The following TIAM1 variants were observed in gnomAD, a reference collection of about 807,000 sequenced individuals.
TIAM1 encodes rho guanine nucleotide exchange factor TIAM1.
In TIAM1, 65 loss-of-function variants were observed where a neutral mutation model predicts 163.5. The ratio of observed to expected loss-of-function variants is 0.40; its 90% CI spans 0.33 to 0.49. The LOEUF is 0.49. Among genes scored for constraint, TIAM1 ranks in the 20% least tolerant of loss-of-function variants. The probability of loss-of-function intolerance (pLI) is 0.77; values close to 1 mark genes in which losing one functional copy is unlikely to be tolerated. For missense variants in TIAM1, 1,789 were observed against 2,044.7 expected, an observed-to-expected ratio of 0.87 and a Z score of 2.41; for synonymous variants, 833 against 810.1, an observed-to-expected ratio of 1.03 and a Z score of -0.48.
chr21:31,516,766 T>C (rs932507600), intron 1 of TIAM1, among the ~76,000 whole-genome samples: 2 of 150,940 alleles, frequency 1.3e-5, no homozygotes, highest in African/African-American at 4.9e-5. Context: ...AGAAATATAA[T>C]GAATTCAGGC....
intron 2 of TIAM1, among the ~76,000 whole-genome samples, chr21:31,437,389 C>G (rs754674660): frequency 1.3e-5 from 2 of 151,310 alleles, no homozygotes; most frequent in Admixed American, 1.3e-4. Context: ...GTAATCCCAG[C>G]TACTCAGTGG....
intron 23 of TIAM1, among the ~76,000 whole-genome samples, chr21:31,131,701 T>C (rs1234486094): frequency 6.6e-6 from 1 of 152,232 alleles, no homozygotes; most frequent in Non-Finnish European, 1.5e-5. Context: ...TTGTTCTCTG[T>C]GTCAGCGTCT....
At chr21:31,392,106 C>T (rs185390610) in intron 2 of TIAM1, among the ~76,000 whole-genome samples, 1 of 152,068 alleles carries the variant, frequency 6.6e-6, no homozygotes, top group Admixed American at 6.6e-5. Context: ...CTAGGATGTT[C>T]GGTAGATTAG....
At chr21:31,507,427 G>T (rs1360784666) in intron 1 of TIAM1, among the ~76,000 whole-genome samples, 1 of 151,444 alleles carries the variant, frequency 6.6e-6, no homozygotes, top group African/African-American at 2.4e-5. Flanking sequence ...GGCTGGTCTT[G>T]AACTCCTGAC....
intron 2 of TIAM1, among the ~76,000 whole-genome samples, chr21:31,286,880 T>A (rs981583163): frequency 6.6e-6 from 1 of 152,058 alleles, no homozygotes; most frequent in Non-Finnish European, 1.5e-5. Flanking sequence ...AGGCCTTGAG[T>A]CCCAAGTCAC....
intron 20 of TIAM1, among the ~76,000 whole-genome samples, chr21:31,142,463 C>CAA (rs34368848): frequency 0.016 from 793 of 49,886 alleles, 24 homozygotes; most frequent in African/African-American, 0.043. Flanking sequence ...ACTAAAAATA[C>CAA]AAAAAAAAAA....
rs116465357 is a variant in TIAM1, at chr21:31,504,214, C to T, written c.-421-40179G>A. 6.3e-3 allele frequency among the ~76,000 whole-genome samples: 966 copies of T among 152,262 alleles called. 11 individuals carry two copies. Among genetic ancestry groups the T allele is most frequent in the African/African-American group, 0.022 (923 of 41,550 alleles). ...CTGGCATATGTGTTACAAGGCAACC[C>T]AGGCCTACAATGAACAACAGCCTGA... is the stretch of plus-strand genomic sequence containing the variant. On this transcript the variant is annotated intron_variant, in intron 1 of 28. Coordinates refer to the TIAM1 transcript ENST00000286827.
chr21:31,482,975 T>G (rs886340501), intron 1 of TIAM1, among the ~76,000 whole-genome samples: 6 of 152,060 alleles, frequency 3.9e-5, no homozygotes, highest in African/African-American at 1.2e-4. Context: ...ATTTTACAGA[T>G]GAGGATACAG....
At chr21:31,352,545 T>TAAA (rs35386667) in intron 2 of TIAM1, among the ~76,000 whole-genome samples, 110 of 132,476 alleles carry the variant, frequency 8.3e-4, no homozygotes, top group African/African-American at 2.7e-3. Context: ...TATGTAGCTT[T>TAAA]AAAAAAAAAA....
At chr21:31,394,728 T>TCTCTCTCACACACACACACA (rs1279053911) in intron 2 of TIAM1, among the ~76,000 whole-genome samples, 1 of 95,704 alleles carries the variant, frequency 1.0e-5, no homozygotes, top group Non-Finnish European at 2.1e-5. Context: ...TCTCTCTCTC[T>TCTCTCTCACACACACACACA]CACACACACA....
At chr21:31,138,497 C>T (rs1349959374) in intron 22 of TIAM1, among the ~76,000 whole-genome samples, 2 of 152,232 alleles carry the variant, frequency 1.3e-5, no homozygotes, top group Non-Finnish European at 2.9e-5. Flanking sequence ...TGTTACTTCA[C>T]ATTGCCACTA....
chr21:31,258,133 GCTAA>G (rs1047132766), intron 4 of TIAM1, among the ~76,000 whole-genome samples: 8 of 151,306 alleles, frequency 5.3e-5, no homozygotes, highest in Non-Finnish European at 1.5e-5. Flanking sequence ...TCCTTATTAT[GCTAA>G]CTGTTTTCTG....
chr21:31,265,728 G>C (rs183217760), intron 4 of TIAM1, among the ~76,000 whole-genome samples: 1 of 152,302 alleles, frequency 6.6e-6, no homozygotes, highest in Admixed American at 6.5e-5. Context: ...CTAAGATGTA[G>C]AAGCAGTTTC....
At chr21:31,293,944 C>T (rs1254778083) in intron 2 of TIAM1, among the ~76,000 whole-genome samples, 1 of 152,148 alleles carries the variant, frequency 6.6e-6, no homozygotes, top group East Asian at 1.9e-4. Context: ...CTTTTAACCA[C>T]CCTCCCTCCC....
chr21:31,395,227 G>A lies in TIAM1; in HGVS notation c.-368-55805C>T, dbSNP rs1569294300. ...CACTCCAGCCTGGGCAACAGAGTGA[G>A]ACTCTGTCTCAAAAAAAAAAAAGAG... On this transcript the variant is annotated intron_variant, in intron 2 of 28. Transcript: ENST00000286827. The surrounding 1 kb of genome is among the most constrained non-coding windows in gnomAD (Gnocchi z 7.5). Among the ~76,000 whole-genome samples the A allele has an allele frequency of 5.1e-5, 7 of 137,470 alleles. No homozygotes were observed. In the Admixed American group the frequency reaches 5.6e-4, roughly 11 times the overall value. The allele number at this position is 137,470 out of a possible 152,430, so 90.2% of individuals were successfully genotyped here.
At chr21:31,370,052 G>A (rs1240971811) in intron 2 of TIAM1, among the ~76,000 whole-genome samples, 1 of 152,172 alleles carries the variant, frequency 6.6e-6, no homozygotes, top group Non-Finnish European at 1.5e-5. Flanking sequence ...ACAGTGAAAA[G>A]ACAGTAGTCT....
intron 2 of TIAM1, among the ~76,000 whole-genome samples, chr21:31,459,446 A>G (rs1171621737): frequency 6.6e-6 from 1 of 152,202 alleles, no homozygotes; most frequent in Admixed American, 6.5e-5. Context: ...TAAGAATTTT[A>G]CTGAAAATCA....
At position 31,501,068 on chromosome 21, in the gene TIAM1, T is replaced by C. The variant is rs560074598; in HGVS notation, c.-421-37033A>G. 1.2e-4 allele frequency among the ~76,000 whole-genome samples: 18 copies of C among 152,268 alleles called. 1 individual carries two copies. In the South Asian group the frequency reaches 3.7e-3, roughly 32 times the overall value. ...CAGAAAGAGAAATGTGGGTGTTTTG[T>C]TGGTTCTTTTTTTTTCCCTCTCTCC... On this transcript the variant is annotated intron_variant, in intron 1 of 28. Coordinates refer to the TIAM1 transcript ENST00000286827.
At chr21:31,557,802 C>T (rs925909383) in intron 1 of TIAM1, among the ~76,000 whole-genome samples, 2 of 152,168 alleles carry the variant, frequency 1.3e-5, no homozygotes, top group Non-Finnish European at 2.9e-5. Flanking sequence ...TCAACCAGGG[C>T]TGACCCGGGG....
Sources: gnomAD v4.1 joint callset for allele counts (sites outside exome capture counted in the v4.1 genomes callset) on GRCh38, gnomAD v4.1.1 for gene constraint, Gnocchi (gnomAD v3.1) non-coding constraint, MANE v1.5 for transcripts, NCBI Gene and HGNC (gene_info 2026-07-23, HGNC 2026-07-21) for gene names.